The following ANKRD30A variants were observed in gnomAD, a reference collection of about 807,000 sequenced individuals.
The protein encoded by ANKRD30A is ankyrin repeat domain 30A.
In ANKRD30A, 170 loss-of-function variants were observed where a neutral mutation model predicts 166.3. The observed-to-expected ratio is 1.02, with a 90% confidence interval of 0.90 to 1.16. ANKRD30A has a LOEUF of 1.16. ANKRD30A is among the 50% of genes most tolerant of loss of function. The pLI is 0.00. For missense variants in ANKRD30A, 1,630 were observed against 1,518.0 expected, an observed-to-expected ratio of 1.07 and a Z score of -1.23; for synonymous variants, 564 against 508.9, an observed-to-expected ratio of 1.11 and a Z score of -1.46.
At chr10:37,232,433 C>T (rs1036326635) in intron 35 of ANKRD30A, 66 bp from the exon 36 acceptor site, 2 of 150,584 alleles carry the variant, frequency 1.3e-5, no homozygotes, top group South Asian at 2.1e-4. Context: ...ACTAATACGG[C>T]GATGATATTG....
intron 25 of ANKRD30A, among the ~76,000 whole-genome samples, chr10:37,190,793 C>A (rs1044943216): frequency 6.6e-6 from 1 of 151,552 alleles, no homozygotes; most frequent in African/African-American, 2.4e-5. Flanking sequence ...CATTAATAAT[C>A]TTTATTAATA....
At chr10:37,149,460 A>G (rs896285640) in intron 9 of ANKRD30A, among the ~76,000 whole-genome samples, 191 bp from the exon 10 acceptor site, 15 of 152,102 alleles carry the variant, frequency 9.9e-5, no homozygotes, top group African/African-American at 2.4e-4. Context: ...TATGAAACCT[A>G]TATTTATATT....
chr10:37,162,379 A>G (rs1220101183), intron 15 of ANKRD30A, among the ~76,000 whole-genome samples: 1 of 152,142 alleles, frequency 6.6e-6, no homozygotes, highest in East Asian at 1.9e-4. Context: ...TTTGACATTT[A>G]TTTTCTCATA....
intron 34 of ANKRD30A, among the ~76,000 whole-genome samples, chr10:37,225,566 A>G (rs1843107932): frequency 6.6e-6 from 1 of 151,884 alleles, no homozygotes. Flanking sequence ...AGAACTACCC[A>G]CATACTTTGG....
intron 15 of ANKRD30A, among the ~76,000 whole-genome samples, chr10:37,161,117 G>A (rs185079605): frequency 1.3e-5 from 2 of 152,260 alleles, no homozygotes; most frequent in Admixed American, 1.3e-4. Context: ...AGTCGGACGT[G>A]GTGGCACGCA....
In ANKRD30A at chr10:37,216,204, T is replaced by A; in HGVS notation, c.2893T>A (p.Leu965Met). The change falls in exon 32 of 36, where the codon TTG (leucine) becomes ATG (methionine). Residue 965 changes from leucine (L) to methionine (M), a missense_variant. By Grantham distance (15) the Leu-to-Met change is conservative. Around this residue, in one of 4 missense-constraint regions of ANKRD30A, gnomAD observed 712 missense variants for 629.3 expected, o/e 1.13. Coordinates refer to ENST00000361713, the MANE Select transcript of ANKRD30A (RefSeq NM_052997.3). Reference sequence around the variant, plus strand: ...AGATTCAACTAGCCTATCAAAAATCTTGGATACAGTTCATTCTTGTGAAAG... The same window carrying A: ...AGATTCAACTAGCCTATCAAAAATCATGGATACAGTTCATTCTTGTGAAAG... ...LEDSTSLSKI[L>M]DTVHSCERAR... 1 of 1,603,046 alleles carries A rather than the reference T, an allele frequency of 6.2e-7. No homozygotes were observed. The highest frequency in any genetic ancestry group is 8.5e-7 in the Non-Finnish European group (1 of 1,172,668).
intron 29 of ANKRD30A, among the ~76,000 whole-genome samples, chr10:37,197,778 C>T (rs1564553786): frequency 6.6e-6 from 1 of 152,110 alleles, no homozygotes; most frequent in East Asian, 1.9e-4. Flanking sequence ...AATGTTGAAA[C>T]TCCAATTTCT....
the ANKRD30A span, among the ~76,000 whole-genome samples, chr10:37,239,645 G>A: frequency 4.9e-3 from 746 of 152,164 alleles, 7 homozygotes; most frequent in African/African-American, 0.017. Flanking sequence ...TGCAAAATAC[G>A]AATTAAATTC....
intron 27 of ANKRD30A, among the ~76,000 whole-genome samples, chr10:37,194,577 C>A (rs913910211): frequency 2.6e-5 from 4 of 152,002 alleles, no homozygotes; most frequent in Non-Finnish European, 5.9e-5. Flanking sequence ...GATCTCCTGA[C>A]CTTGTGATGC....
intron 31 of ANKRD30A, among the ~76,000 whole-genome samples, chr10:37,212,107 T>G (rs1482259489): frequency 6.6e-6 from 1 of 152,042 alleles, no homozygotes; most frequent in Non-Finnish European, 1.5e-5. Flanking sequence ...CATGATTGTA[T>G]ATCTAGAAAA....
rs748256669 is a variant in ANKRD30A, at chr10:37,133,928, G to A, written c.630G>A (p.Met210Ile). ...AVNKYKCTAL[M>I]LAVCHGSSEI... Reference sequence around the variant, plus strand: ...TTTGTTATTTTAGCACAGCCCTCATGCTTGCTGTATGTCATGGATCATCAG... The same window carrying A: ...TTTGTTATTTTAGCACAGCCCTCATACTTGCTGTATGTCATGGATCATCAG... The change falls in exon 5 of 36, where the codon ATG (methionine) becomes ATA (isoleucine). Residue 210 changes from methionine (M) to isoleucine (I), a missense_variant. Met to Ile is a conservative substitution (Grantham distance 10). Coordinates refer to ENST00000361713, the MANE Select transcript of ANKRD30A (RefSeq NM_052997.3). 87 of 1,613,842 alleles carry A rather than the reference G, an allele frequency of 5.4e-5. No individual in the cohort carries two copies. Among genetic ancestry groups the A allele is most frequent in the Non-Finnish European group, 7.3e-5 (86 of 1,179,930 alleles).
chr10:37,160,299 C>T (rs1306482354), intron 15 of ANKRD30A, among the ~76,000 whole-genome samples: 7 of 152,098 alleles, frequency 4.6e-5, no homozygotes, highest in African/African-American at 7.2e-5. Context: ...TTGGAAAAGT[C>T]CTACTTTTCA....
chr10:37,199,369 T>C (rs1355582612), intron 29 of ANKRD30A, among the ~76,000 whole-genome samples: 1 of 151,920 alleles, frequency 6.6e-6, no homozygotes, highest in Non-Finnish European at 1.5e-5. Flanking sequence ...CAAATAAAAA[T>C]TTACAAAGAA....
chr10:37,237,651 G>A, the ANKRD30A span, among the ~76,000 whole-genome samples: 4 of 152,006 alleles, frequency 2.6e-5, no homozygotes, highest in African/African-American at 9.7e-5. Context: ...TACCCTATAA[G>A]GAGCTAACAT....
chr10:37,235,893 C>T (rs748230584), downstream of ANKRD30A, among the ~76,000 whole-genome samples: 49 of 151,812 alleles, frequency 3.2e-4, no homozygotes, highest in Admixed American at 2.0e-3. Context: ...CCACAGCCTC[C>T]CGAGTAGCTG....
Position 37,231,482 on chromosome 10 carries a change from A to G in ANKRD30A, c.*13A>G. On this transcript the variant is annotated 3_prime_UTR_variant, in exon 35 of 36. Transcript: ENST00000361713. ...ACAGAACTCATGAGAGACAAGCAGT[A>G]AGAAACTTCTTTTGGAGAAACAACA... The G allele has an allele frequency of 6.3e-7, 1 of 1,584,542 alleles. No homozygotes were observed. Among genetic ancestry groups the G allele is most frequent in the Non-Finnish European group, 8.6e-7 (1 of 1,163,426 alleles).
the ANKRD30A span, among the ~76,000 whole-genome samples, chr10:37,257,963 C>T: frequency 6.6e-6 from 1 of 151,924 alleles, no homozygotes; most frequent in Admixed American, 6.6e-5. Flanking sequence ...TGTGGCTTGT[C>T]AGGGGTTGGA....
chr10:37,146,594 A>G (rs775593335), intron 8 of ANKRD30A, among the ~76,000 whole-genome samples: 1 of 151,862 alleles, frequency 6.6e-6, no homozygotes, highest in Non-Finnish European at 1.5e-5. Context: ...TGGCTTACAG[A>G]CTCCCTGTTG....
At chr10:37,142,381 T>G (rs1837204880) in intron 7 of ANKRD30A, 91 bp downstream of exon 7, 1 of 1,221,002 alleles carries the variant, frequency 8.2e-7, no homozygotes, top group East Asian at 2.4e-5. Flanking sequence ...GGGAATGACT[T>G]GAATATCTAA....
Sources: gnomAD v4.1 joint callset for allele counts (sites outside exome capture counted in the v4.1 genomes callset) on GRCh38, gnomAD v4.1.1 for gene constraint, gnomAD v4.1.1 regional missense constraint, MANE v1.5 for transcripts, NCBI Gene and HGNC (gene_info 2026-07-23, HGNC 2026-07-21) for gene names.